LGALS3: variants seen among roughly 807,000 people sequenced by gnomAD.
LGALS3 encodes the protein galectin-3.
LGALS3 carries 18 observed loss-of-function variants against 20.7 expected under a neutral mutation model. The ratio of observed to expected loss-of-function variants is 0.87; its 90% CI spans 0.60 to 1.29. The LOEUF is 1.29. Among genes scored for constraint, LGALS3 ranks in the 50% most tolerant of loss-of-function variants. The pLI is 0.00. For synonymous variants in LGALS3, 112 were observed against 119.6 expected, an observed-to-expected ratio of 0.94 and a Z score of 0.42; for missense variants, 315 against 314.7, an observed-to-expected ratio of 1.00 and a Z score of -0.01.
rs1440110439 is a variant in LGALS3 at position 55,145,177 on chromosome 14, A to T, written c.659A>T (p.Gln220Leu). Residue 220 changes from glutamine (Q) to leucine (L), a missense_variant, in exon 6 of 6, where the codon CAG (glutamine) becomes CTG (leucine). Coordinates refer to ENST00000254301, the MANE Select transcript of LGALS3 (RefSeq NM_002306.4). Reference protein sequence around the residue: ...KVAVNDAHLLQYNHRVKKLNE... With the variant: ...KVAVNDAHLLLYNHRVKKLNE... ...GCAGTGAATGATGCTCACTTGTTGC[A>T]GTACAATCATCGGGTTAAAAAACTC... 3 of 1,613,944 alleles carry T rather than the reference A, an allele frequency of 1.9e-6. No individual in the cohort carries two copies. The highest frequency in any genetic ancestry group is 1.7e-5 in the Admixed American group (1 of 60,006).
At chr14:55,130,759 G>T (rs1026151632) in intron 1 of LGALS3, among the ~76,000 whole-genome samples, 20 of 149,870 alleles carry the variant, frequency 1.3e-4, no homozygotes, top group South Asian at 2.1e-4. Context: ...GTGGTGGGGG[G>T]GGGGGGGTCC....
intron 3 of LGALS3, among the ~76,000 whole-genome samples, chr14:55,139,682 T>C (rs1427003614): frequency 6.6e-6 from 1 of 152,076 alleles, no homozygotes; most frequent in Admixed American, 6.6e-5. Flanking sequence ...GGGGGAAGTC[T>C]TAAAAAGGGA....
At chr14:55,140,451 C>T in intron 4 of LGALS3, 88 bp downstream of exon 4, 1 of 736,022 alleles carries the variant, frequency 1.4e-6, no homozygotes, top group Non-Finnish European at 2.3e-6. Context: ...CTTGCCCTGT[C>T]TTACAGTGCT....
intron 5 of LGALS3, 101 bp downstream of exon 5, chr14:55,142,850 C>T (rs1881677819): frequency 1.1e-6 from 1 of 877,354 alleles, no homozygotes; most frequent in Non-Finnish European, 1.7e-6. Flanking sequence ...ATCACCTCTC[C>T]TAAGGTGCCT....
intron 4 of LGALS3, among the ~76,000 whole-genome samples, 180 bp from the exon 5 acceptor site, chr14:55,142,404 A>AT: frequency 6.6e-6 from 1 of 152,350 alleles, no homozygotes; most frequent in South Asian, 2.1e-4. Flanking sequence ...AGTACATAGA[A>AT]TATCAGGCAT....
chr14:55,143,426 CTTT>C (rs759161757), intron 5 of LGALS3: 123 of 327,900 alleles, frequency 3.8e-4, no homozygotes, highest in East Asian at 6.0e-4. Context: ...CTTAATAGCA[CTTT>C]TTTTTTTTTT....
In LGALS3 at chr14:55,138,240, G is replaced by T. The variant is rs746608097; in HGVS notation, c.214G>T (p.Gly72Ter). ...CCCTGGAGCACCTGGAGCTTATCCC[G>T]GAGCACCTGCACCTGGAGTCTACCC... ...AYPGAPGAYP[G>*]APAPGVYPGP... Residue 72 changes from glycine to a stop codon, truncating the protein, a stop_gained, in exon 3 of 6, where the codon GGA (glycine) becomes TGA (stop). Coordinates refer to ENST00000254301, the MANE Select transcript of LGALS3 (RefSeq NM_002306.4). LOFTEE classifies it high-confidence loss of function. 1.2e-6 allele frequency: 2 copies of T among 1,612,500 alleles called. No homozygotes were observed. The highest frequency in any genetic ancestry group is 1.7e-6 in the Non-Finnish European group (2 of 1,179,472).
chr14:55,140,413 GAATA>G, intron 4 of LGALS3, 50 bp downstream of exon 4: 1 of 1,178,354 alleles, frequency 8.5e-7, no homozygotes, highest in South Asian at 1.3e-5. Flanking sequence ...ATTGGTTTTT[GAATA>G]AAGAATGGCC....
intron 3 of LGALS3, among the ~76,000 whole-genome samples, chr14:55,140,030 G>A (rs930971949): frequency 6.6e-6 from 1 of 152,110 alleles, no homozygotes; most frequent in African/African-American, 2.4e-5. Flanking sequence ...CAACATGAAT[G>A]AGTACAAATT....
chr14:55,138,125 AGGGGGCTACCCAGGGGCTTCCTATCCT>A lies in LGALS3; in HGVS notation c.104_130del (p.Gly35_Gly43del), dbSNP rs1566781916. 1.3e-6 allele frequency: 2 copies of A among 1,557,746 alleles called. No homozygotes were observed. The highest frequency in any genetic ancestry group is 2.1e-5 in the Admixed American group (1 of 47,528). On this transcript the variant is annotated inframe_deletion, in exon 3 of 6. Coordinates refer to ENST00000254301, the MANE Select transcript of LGALS3 (RefSeq NM_002306.4). The stretch of plus-strand genomic sequence containing the variant: ...CATGGGGGAACCAGCCTGCTGGGGC[AGGGGGCTACCCAGGGGCTTCCTATCCT>A]GGGGCCTACCCCGGGCAGGCACCCC...
chr14:55,137,493 C>T (rs749064059), intron 2 of LGALS3, 102 bp downstream of exon 2: 279 of 1,611,952 alleles, frequency 1.7e-4, no homozygotes, highest in East Asian at 5.3e-4. Context: ...TCTCCCACTG[C>T]GTGGCTTCCC....
chr14:55,139,950 G>A (rs1317719696), intron 3 of LGALS3, among the ~76,000 whole-genome samples: 1 of 152,188 alleles, frequency 6.6e-6, no homozygotes, highest in Non-Finnish European at 1.5e-5. Context: ...TACCATGACA[G>A]GGCCTTAAGA....
intron 5 of LGALS3, 100 bp downstream of exon 5, chr14:55,142,849 C>T: frequency 1.1e-6 from 1 of 875,912 alleles, no homozygotes; most frequent in Non-Finnish European, 1.8e-6. Flanking sequence ...TATCACCTCT[C>T]CTAAGGTGCC....
chr14:55,131,273 C>T (rs1475184392), intron 1 of LGALS3, among the ~76,000 whole-genome samples: 1 of 152,186 alleles, frequency 6.6e-6, no homozygotes, highest in East Asian at 1.9e-4. Flanking sequence ...ATAGGTGTCT[C>T]GCTCTGTTAA....
At chr14:55,139,488 T>A (rs1275981554) in intron 3 of LGALS3, among the ~76,000 whole-genome samples, 2 of 152,144 alleles carry the variant, frequency 1.3e-5, no homozygotes, top group Non-Finnish European at 2.9e-5. Context: ...AGGCTGGGTG[T>A]GGTGGCTCAT....
rs1462793085 is a variant in LGALS3, at chr14:55,145,301, AG to A, written c.*31del. 10 of 1,599,490 alleles carry A rather than the reference AG, an allele frequency of 6.3e-6. No homozygotes were observed. The highest frequency in any genetic ancestry group is 1.7e-4 in the Middle Eastern group (1 of 5,988). ...AAAGGGGCAGATTAAAAAAAAAAAAAGAATCTAAACCTTACATGTGTAAAGG... is the reference window on the plus strand; with the variant it reads ...AAAGGGGCAGATTAAAAAAAAAAAAAAATCTAAACCTTACATGTGTAAAGG... On this transcript the variant is annotated 3_prime_UTR_variant, in exon 6 of 6. Coordinates refer to ENST00000254301, the MANE Select transcript of LGALS3 (RefSeq NM_002306.4).
At chr14:55,134,626 C>T (rs925597632) in intron 1 of LGALS3, among the ~76,000 whole-genome samples, 2 of 152,250 alleles carry the variant, frequency 1.3e-5, no homozygotes, top group African/African-American at 2.4e-5. Flanking sequence ...GCAACTTATA[C>T]GGTTTCTTAT....
rs1474468295 is a variant in LGALS3 at position 55,145,292 on chromosome 14, A to G, written c.*21A>G. The G allele has an allele frequency of 9.9e-6, 16 of 1,609,266 alleles. No individual in the cohort carries two copies. The highest frequency in any genetic ancestry group is 9.3e-6 in the Non-Finnish European group (11 of 1,178,254). The stretch of plus-strand genomic sequence containing the variant: ...TATAATCTGAAAGGGGCAGATTAAA[A>G]AAAAAAAAAGAATCTAAACCTTACA... On this transcript the variant is annotated 3_prime_UTR_variant, in exon 6 of 6. Coordinates refer to ENST00000254301, the MANE Select transcript of LGALS3 (RefSeq NM_002306.4).
At position 55,138,203 on chromosome 14, in the gene LGALS3, TCC is replaced by T; in HGVS notation, c.178_179del (p.Pro60ArgfsTer59). 1 of 1,612,742 alleles carries T rather than the reference TCC, an allele frequency of 6.2e-7. No homozygotes were observed. Among genetic ancestry groups the T allele is most frequent in the Non-Finnish European group, 8.5e-7 (1 of 1,179,374 alleles). On this transcript the variant is annotated frameshift_variant, in exon 3 of 6. Transcript: ENST00000254301. LOFTEE classifies it high-confidence loss of function. ...CAGGGGCTTATCCTGGACAGGCACCTCCAGGCGCCTACCCTGGAGCACCTGGA... is the reference window on the plus strand; with the variant it reads ...CAGGGGCTTATCCTGGACAGGCACCTAGGCGCCTACCCTGGAGCACCTGGA... Reference protein sequence around the residue: ...PPGAYPGQAPPGAYPGAPGAY... With the variant: ...PPGAYPGQAPXGAYPGAPGAY...
Sources: allele counts gnomAD v4.1 joint callset (sites outside exome capture counted in the v4.1 genomes callset), GRCh38; gene constraint gnomAD v4.1.1; transcripts MANE v1.5; gene names NCBI Gene and HGNC (gene_info 2026-07-23, HGNC 2026-07-21).